Variants in RNF17 observed in about 807,000 individuals in gnomAD.
The protein encoded by RNF17 is spermatogenesis associated 23.
Under a neutral mutation model 200.5 loss-of-function variants are expected in RNF17, and 31 were observed. The ratio of observed to expected loss-of-function variants is 0.15; its 90% CI spans 0.12 to 0.21. RNF17 has a LOEUF of 0.21. RNF17 is among the 10% of genes least tolerant of loss of function. The probability of loss-of-function intolerance (pLI) is 1.00; values close to 1 mark genes in which losing one functional copy is unlikely to be tolerated. For missense variants in RNF17, 1,628 were observed against 1,905.1 expected (o/e 0.85, Z 2.71); for synonymous variants, 606 against 637.8 (o/e 0.95, Z 0.75).
intron 23 of RNF17, 89 bp from the exon 24 acceptor site, chr13:24,851,367 T>G: frequency 2.3e-6 from 2 of 876,544 alleles, no homozygotes; most frequent in Admixed American, 2.3e-5. Flanking sequence ...CTTAGAGAAA[T>G]GTAGAAGAAC....
Position 24,876,924 on chromosome 13 carries a change from C to G in RNF17, c.4584-73C>G, listed in dbSNP as rs184832573. 1.8e-3 allele frequency: 2,176 copies of G among 1,240,786 alleles called. 4 individuals are homozygous for G. The highest frequency in any genetic ancestry group is 2.3e-3 in the Non-Finnish European group (2,013 of 893,038). The allele number at this position is 1,240,786 out of a possible 1,614,324, so 76.9% of individuals were successfully genotyped here. Reference sequence around the variant, plus strand: ...AATCCAATGTTATGAAGCGTTTCCCCTATGTTTTCTTCTAAGAATTGGATA... The same window carrying G: ...AATCCAATGTTATGAAGCGTTTCCCGTATGTTTTCTTCTAAGAATTGGATA... On this transcript the variant is annotated intron_variant, in intron 33 of 35. Coordinates refer to ENST00000255324, the MANE Select transcript of RNF17 (RefSeq NM_031277.3).
At chr13:24,822,949 C>T (rs1566181706) in intron 15 of RNF17, among the ~76,000 whole-genome samples, 1 of 152,174 alleles carries the variant, frequency 6.6e-6, no homozygotes, top group African/African-American at 2.4e-5. Context: ...TAGTTTCATA[C>T]TTTCGTATGT....
At position 24,877,146 on chromosome 13, in the gene RNF17, T is replaced by G. The variant is rs1223168864; in HGVS notation, c.4733T>G (p.Ile1578Arg). The G allele has an allele frequency of 6.2e-7, 1 of 1,613,408 alleles. No individual in the cohort carries two copies. The highest frequency in any genetic ancestry group is 1.3e-5 in the African/African-American group (1 of 74,890). The change falls in exon 34 of 36, where the codon ATA (isoleucine) becomes AGA (arginine). Residue 1578 changes from isoleucine to arginine, a missense_variant. Physicochemically the swap from Ile to Arg is moderately conservative, Grantham distance 97. Transcript: ENST00000255324. ...KWSMEALWAM[I>R]DCLQGKQLYA... ...AGCATGGAGGCACTGTGGGCTATGA[T>G]AGACTGTCTTCAAGGAAAACAACTC...
intron 25 of RNF17, among the ~76,000 whole-genome samples, chr13:24,856,611 C>T (rs1176741818): frequency 6.6e-6 from 1 of 152,088 alleles, no homozygotes; most frequent in Non-Finnish European, 1.5e-5. Flanking sequence ...CCTAGCTCAT[C>T]GGCTTATACT....
intron 15 of RNF17, among the ~76,000 whole-genome samples, chr13:24,822,049 T>G (rs1470449689): frequency 6.6e-6 from 1 of 152,138 alleles, no homozygotes; most frequent in Non-Finnish European, 1.5e-5. Flanking sequence ...CCGGATTTTG[T>G]AGGCAGGTTT....
intron 15 of RNF17, among the ~76,000 whole-genome samples, chr13:24,813,843 T>A (rs1437588512): frequency 9.0e-6 from 1 of 110,774 alleles, no homozygotes; most frequent in Non-Finnish European, 1.8e-5. Flanking sequence ...TTTTTTTTTT[T>A]TAGAGACAGG....
intron 28 of RNF17, 109 bp downstream of exon 28, chr13:24,862,902 G>A: frequency 1.8e-6 from 1 of 559,892 alleles, no homozygotes; most frequent in East Asian, 3.2e-5. Context: ...ACCTTCTTAT[G>A]TGAATTGCTT....
Position 24,873,181 on chromosome 13 carries a change from A to G in RNF17, c.4448-933A>G, listed in dbSNP as rs115960536. Among the ~76,000 whole-genome samples the G allele has an allele frequency of 8.0e-3, 1,138 of 142,148 alleles. 15 individuals carry two copies. The highest frequency in any genetic ancestry group is 0.026 in the African/African-American group (1,051 of 40,732). 93.3% of individuals were successfully genotyped at this position (142,148 alleles called of 152,430 possible). On this transcript the variant is annotated intron_variant, in intron 32 of 35. Coordinates refer to ENST00000255324, the MANE Select transcript of RNF17 (RefSeq NM_031277.3). ...CAAAGATGATGGCCCACGCTAGAAGAGACTAGGGGAGTATCAGAAGTTGGG... is the reference window on the plus strand; with the variant it reads ...CAAAGATGATGGCCCACGCTAGAAGGGACTAGGGGAGTATCAGAAGTTGGG...
intron 1 of RNF17, among the ~76,000 whole-genome samples, chr13:24,766,347 A>G (rs1465524518): frequency 6.6e-6 from 1 of 152,280 alleles, no homozygotes; most frequent in Non-Finnish European, 1.5e-5. Flanking sequence ...AACTTTAAAA[A>G]TGACAACCTT....
At position 24,802,372 on chromosome 13, in the gene RNF17, C is replaced by T. The variant is rs369292980; in HGVS notation, c.1759-9C>T. On this transcript the variant is annotated splice_polypyrimidine_tract_variant and intron_variant, in intron 13 of 35. Transcript: ENST00000255324. ...ATTAATTACTATGGAATTTTACTTT[C>T]TTGCACAGAATGAAGGCTGGGAAGA... 4 of 1,601,272 alleles carry T rather than the reference C, an allele frequency of 2.5e-6. No homozygotes were observed. The highest frequency in any genetic ancestry group is 3.4e-6 in the Non-Finnish European group (4 of 1,174,068).
At chr13:24,872,886 A>AAGTTTTAAC (rs768672800) in intron 32 of RNF17, among the ~76,000 whole-genome samples, 18,715 of 151,964 alleles carry the variant, frequency 0.12, 1,260 homozygotes, top group Admixed American at 0.15. Flanking sequence ...GGGGACAGCC[A>AAGTTTTAAC]TGAACTAAAT....
downstream of RNF17, chr13:24,883,999 C>T: frequency 6.2e-7 from 1 of 1,614,142 alleles, no homozygotes; most frequent in Non-Finnish European, 8.5e-7. Context: ...TGGGAAAATG[C>T]TTTCTTCTTG....
chr13:24,802,345 C>T, intron 13 of RNF17, 36 bp from the exon 14 acceptor site: 2 of 1,537,874 alleles, frequency 1.3e-6, no homozygotes, highest in Non-Finnish European at 1.8e-6. Flanking sequence ...GCGATACTTA[C>T]AATTAATTAC....
intron 15 of RNF17, among the ~76,000 whole-genome samples, chr13:24,809,170 A>T (rs1420588703): frequency 6.7e-6 from 1 of 149,820 alleles, no homozygotes; most frequent in African/African-American, 2.5e-5. Context: ...AAAATGAGTT[A>T]GGGAGGATTC....
At chr13:24,847,853 A>G (rs1048482098) in intron 22 of RNF17, among the ~76,000 whole-genome samples, 2 of 152,220 alleles carry the variant, frequency 1.3e-5, no homozygotes, top group Admixed American at 6.5e-5. Context: ...CTCACATACT[A>G]TATAAATCCT....
chr13:24,786,427 A>G (rs901813815), intron 6 of RNF17, among the ~76,000 whole-genome samples: 1 of 152,182 alleles, frequency 6.6e-6, no homozygotes, highest in African/African-American at 2.4e-5. Context: ...TAAAAAGTAG[A>G]ATTATAAATT....
chr13:24,774,395 A>T (rs1367300265), intron 2 of RNF17, among the ~76,000 whole-genome samples: 1 of 152,136 alleles, frequency 6.6e-6, no homozygotes, highest in Non-Finnish European at 1.5e-5. Context: ...TTTTTAGTAG[A>T]GATGGGGTTT....
Position 24,843,903 on chromosome 13 carries a change from T to C in RNF17, c.2763T>C (p.His921=). 1.2e-6 allele frequency: 2 copies of C among 1,600,022 alleles called. No individual in the cohort carries two copies. Among genetic ancestry groups the C allele is most frequent in the South Asian group, 2.2e-5 (2 of 89,594 alleles). ...TTTATAATAAGGAATTGCCTGTGCA[T>C]ATCTGTAATGTAATATCTCCTGAGA... The part of the protein sequence containing the change: ...QSLYNKELPV[H]ICNVISPEKI... Residue 921 remains histidine, a synonymous_variant, in exon 20 of 36, where the codon CAT becomes CAC. Transcript: ENST00000255324.
chr13:24,830,316 G>A (rs12100287), intron 16 of RNF17, among the ~76,000 whole-genome samples, 168 bp from the exon 17 acceptor site: 22,085 of 152,012 alleles, frequency 0.15, 1,647 homozygotes, highest in African/African-American at 0.16. Context: ...CTGCACTATG[G>A]ATGATTTCGG....
Sources: gnomAD v4.1 joint callset for allele counts (sites outside exome capture counted in the v4.1 genomes callset) on GRCh38, gnomAD v4.1.1 for gene constraint, MANE v1.5 for transcripts, NCBI Gene and HGNC (gene_info 2026-07-23, HGNC 2026-07-21) for gene names.